The following WDR86 variants were observed in gnomAD, a reference collection of about 807,000 sequenced individuals.
The protein encoded by WDR86 is WD repeat-containing protein 86.
WDR86 carries 30 observed loss-of-function variants against 36.5 expected under a neutral mutation model. The ratio of observed to expected loss-of-function variants is 0.82; its 90% CI spans 0.61 to 1.11. The LOEUF is 1.11. WDR86 is among the 50% of genes most tolerant of loss of function. The pLI is 0.00. For missense variants in WDR86, 545 were observed against 561.2 expected (o/e 0.97, Z 0.29); for synonymous variants, 255 against 252.9 (o/e 1.01, Z -0.08).
At chr7:151,384,940 G>A (rs1282655866) in intron 4 of WDR86, 148 bp downstream of exon 4, 8 of 878,050 alleles carry the variant, frequency 9.1e-6, no homozygotes, top group East Asian at 5.3e-5. Context: ...CTGGAAGCAC[G>A]GGTGTGTGGA....
intron 3 of WDR86, among the ~76,000 whole-genome samples, chr7:151,392,659 G>A (rs901052800): frequency 3.9e-5 from 6 of 152,272 alleles, no homozygotes; most frequent in Admixed American, 1.3e-4. Context: ...ACCAGAAGCT[G>A]AGGCTCCGGG....
chr7:151,382,007 C>G, intron 4 of WDR86, 26 bp from the exon 5 acceptor site: 2 of 1,566,790 alleles, frequency 1.3e-6, no homozygotes, highest in Non-Finnish European at 1.7e-6. Flanking sequence ...GCGCGCTGGG[C>G]CTCCCTCCCT....
chr7:151,375,941 CGAGT>C, exon 2 of WDR86: 1 of 1,604,832 alleles, frequency 6.2e-7, no homozygotes, highest in Admixed American at 1.7e-5. Context: ...AAACATTGAC[CGAGT>C]GAGTGACAGG....
At chr7:151,375,434 G>A (rs183868646), downstream of WDR86, among the ~76,000 whole-genome samples, 189 of 152,274 alleles carry the variant, frequency 1.2e-3, 1 homozygote, top group Non-Finnish European at 2.3e-3. Context: ...TAAGTATTGT[G>A]TGATGAAGAA....
intron 3 of WDR86, among the ~76,000 whole-genome samples, chr7:151,389,358 C>T (rs910756841): frequency 3.9e-5 from 6 of 152,180 alleles, no homozygotes; most frequent in East Asian, 1.9e-4. Flanking sequence ...AGGCTGCCCA[C>T]GGGCTTATCT....
chr7:151,396,913 T>C (rs1454769252), intron 2 of WDR86, among the ~76,000 whole-genome samples: 1 of 152,014 alleles, frequency 6.6e-6, no homozygotes, highest in Non-Finnish European at 1.5e-5. Context: ...GCCAAGAGAG[T>C]CCATCCATTC....
intron 2 of WDR86, among the ~76,000 whole-genome samples, chr7:151,399,834 C>T (rs1800151517): frequency 6.6e-6 from 1 of 152,246 alleles, no homozygotes; most frequent in African/African-American, 2.4e-5. Context: ...AGCGGGGAGC[C>T]ACTGTGCCCC....
In WDR86 at chr7:151,405,248, G is replaced by A. The variant is rs1010786871; in HGVS notation, c.163+4179C>T. On this transcript the variant is annotated intron_variant, in intron 1 of 5. Transcript: ENST00000334493. The surrounding 1 kb of genome is among the most constrained non-coding windows in gnomAD (Gnocchi z 4.7). ...GTTCCGACAAGTGGGAGCCGCAGCT[G>A]GAGACTCTAGGTCAGGATATGTTCC... Among the ~76,000 whole-genome samples, 4 of 141,440 alleles carry A rather than the reference G, an allele frequency of 2.8e-5. No individual in the cohort carries two copies. The highest frequency in any genetic ancestry group is 1.1e-4 in the African/African-American group (4 of 35,630). 92.8% of individuals were successfully genotyped at this position (141,440 alleles called of 152,430 possible).
chr7:151,405,124 C>T lies in WDR86; in HGVS notation c.163+4303G>A, dbSNP rs940912037. Among the ~76,000 whole-genome samples the T allele has an allele frequency of 1.3e-5, 2 of 152,162 alleles. No individual in the cohort carries two copies. Among genetic ancestry groups the T allele is most frequent in the African/African-American group, 4.8e-5 (2 of 41,438 alleles). ...AGCCTTCCTCTGCTCCCCAATCCCC[C>T]TCTTTTCCACCCTGCCACCGCCATC... is the stretch of plus-strand genomic sequence containing the variant. On this transcript the variant is annotated intron_variant, in intron 1 of 5. Coordinates refer to ENST00000334493, the MANE Select transcript of WDR86 (RefSeq NM_198285.3). This position sits in a 1 kb window ranked among gnomAD's most constrained non-coding sequence, Gnocchi z 4.7.
At chr7:151,374,012 T>C, downstream of WDR86, 1 of 1,421,584 alleles carries the variant, frequency 7.0e-7, no homozygotes, top group Non-Finnish European at 9.4e-7. Context: ...TGCCTGGAAA[T>C]GCGGAGAATC....
chr7:151,377,392 C>T (rs551356969), downstream of WDR86: 3 of 499,116 alleles, frequency 6.0e-6, no homozygotes, highest in Non-Finnish European at 1.0e-5. Flanking sequence ...GGCCTTCATG[C>T]GTGGTCTCGG....
At chr7:151,394,842 G>A (rs987462355) in intron 3 of WDR86, among the ~76,000 whole-genome samples, 3 of 152,218 alleles carry the variant, frequency 2.0e-5, no homozygotes, top group Non-Finnish European at 2.9e-5. Context: ...CAGGAAAGGC[G>A]TGAGAACCCC....
chr7:151,385,181 C>A lies in WDR86; in HGVS notation c.769G>T (p.Val257Phe). The A allele has an allele frequency of 6.2e-7, 1 of 1,612,942 alleles. No homozygotes were observed. Among genetic ancestry groups the A allele is most frequent in the Non-Finnish European group, 8.5e-7 (1 of 1,179,878 alleles). The change falls in exon 4 of 6, where the codon GTC (valine) becomes TTC (phenylalanine). Residue 257 changes from valine to phenylalanine, a missense_variant. By Grantham distance (50) the Val-to-Phe change is conservative (BLOSUM62 -1). Transcript: ENST00000334493. ...LVYSGSADRTVKCWLADTGEC... is the reference protein window; with the variant it reads ...LVYSGSADRTFKCWLADTGEC... ...CCTGTGTCTGCCAGCCAGCACTTGA[C>A]GGTCCTGTCCGCGCTGCCAGAGTAC...
At position 151,409,927 on chromosome 7, in the gene WDR86, G is replaced by C. The variant is rs1282469320; in HGVS notation, c.-338C>G. ...GGCGAACAAGGCAGCTGCGTCTCTG[G>C]TGCACAAGGAGCCCCCCGCCTCCTC... On this transcript the variant is annotated 5_prime_UTR_variant, in exon 1 of 6. Coordinates refer to ENST00000334493, the MANE Select transcript of WDR86 (RefSeq NM_198285.3). This position sits in a 1 kb window ranked among gnomAD's most constrained non-coding sequence, Gnocchi z 5.2. 9.3e-7 allele frequency: 1 copy of C among 1,078,064 alleles called. No homozygotes were observed. Among genetic ancestry groups the C allele is most frequent in the African/African-American group, 1.7e-5 (1 of 60,494 alleles). The allele number at this position is 1,078,064 out of a possible 1,614,324, so 66.8% of individuals were successfully genotyped here.
chr7:151,395,571 A>G (rs1051467348), intron 3 of WDR86, among the ~76,000 whole-genome samples: 1 of 152,100 alleles, frequency 6.6e-6, no homozygotes, highest in Non-Finnish European at 1.5e-5. Context: ...CTGCAGGTTA[A>G]GGAGAGGCCT....
downstream of WDR86, among the ~76,000 whole-genome samples, chr7:151,375,131 CT>C (rs1798155090): frequency 1.3e-5 from 2 of 152,162 alleles, no homozygotes; most frequent in Non-Finnish European, 2.9e-5. Flanking sequence ...TCCACCCTGC[CT>C]TTGCCTCTTA....
At chr7:151,369,254 C>T in the WDR86 span, 1 of 156,358 alleles carries the variant, frequency 6.4e-6, no homozygotes, top group East Asian at 1.9e-4. Flanking sequence ...GTGATGCGCC[C>T]ACCTCAGTTT....
intron 2 of WDR86, among the ~76,000 whole-genome samples, chr7:151,398,508 GTA>G (rs1800050152): frequency 6.6e-6 from 1 of 151,116 alleles, no homozygotes; most frequent in Middle Eastern, 3.2e-3. Context: ...GCGCACGTGT[GTA>G]TGTGTAAGTT....
downstream of WDR86, chr7:151,376,699 C>G (rs1323751335): frequency 1.2e-6 from 2 of 1,609,944 alleles, no homozygotes; most frequent in Non-Finnish European, 1.7e-6. Flanking sequence ...GAGGCAACGT[C>G]CAGCTGGCCG....
Sources: gnomAD v4.1 joint callset for allele counts (sites outside exome capture counted in the v4.1 genomes callset) on GRCh38, gnomAD v4.1.1 for gene constraint, Gnocchi (gnomAD v3.1) non-coding constraint, MANE v1.5 for transcripts, NCBI Gene and HGNC (gene_info 2026-07-23, HGNC 2026-07-21) for gene names.